Variants in GLI3 observed in about 807,000 individuals in gnomAD.
The protein encoded by GLI3 is GLI family zinc finger 3.
GLI3 carries 20 observed loss-of-function variants against 100.8 expected under a neutral mutation model. The ratio of observed to expected loss-of-function variants is 0.20; its 90% CI spans 0.14 to 0.29. The LOEUF is 0.29. Ranked by LOEUF, GLI3 falls within the 10% of genes least tolerant of loss-of-function variation. The pLI, the probability that GLI3 is intolerant of heterozygous loss-of-function variation, is 1.00. For synonymous variants in GLI3, 938 were observed against 860.5 expected, an observed-to-expected ratio of 1.09 and a Z score of -1.58; for missense variants, 2,040 against 2,128.5, an observed-to-expected ratio of 0.96 and a Z score of 0.82.
rs535040578 is a variant in GLI3 at position 42,118,523 on chromosome 7, G to A, written c.367+29703C>T. 2.1e-3 allele frequency among the ~76,000 whole-genome samples: 327 copies of A among 152,262 alleles called. 6 individuals carry two copies. Among genetic ancestry groups the A allele is most frequent in the Non-Finnish European group, 3.1e-4 (21 of 68,018 alleles). ...TTTCTTAGATTGGTTTTTGATTCAC[G>A]TGGGGAATCTCAGAGTTTCTGTGGG... is the stretch of plus-strand genomic sequence containing the variant. On this transcript the variant is annotated intron_variant, in intron 3 of 14. Coordinates refer to ENST00000395925, the MANE Select transcript of GLI3 (RefSeq NM_000168.6).
At chr7:42,263,645 A>G (rs891876878) in intron 1 of GLI3, among the ~76,000 whole-genome samples, 1 of 151,944 alleles carries the variant, frequency 6.6e-6, no homozygotes, top group African/African-American at 2.4e-5. Context: ...ATGGGGTTTC[A>G]CCATGTTGGC....
chr7:42,052,509 A>G (rs553745545), intron 4 of GLI3, among the ~76,000 whole-genome samples: 4 of 152,326 alleles, frequency 2.6e-5, no homozygotes, highest in South Asian at 4.1e-4. Flanking sequence ...CCCTCACTCA[A>G]GCATCAGTTT....
chr7:42,200,607 T>C (rs1452951828), intron 2 of GLI3, among the ~76,000 whole-genome samples: 1 of 152,128 alleles, frequency 6.6e-6, no homozygotes, highest in African/African-American at 2.4e-5. Flanking sequence ...ATAAATTATA[T>C]CATTTTAAAA....
Position 42,182,656 on chromosome 7 carries a change from A to T in GLI3, c.125-34188T>A, listed in dbSNP as rs1180728475. Among the ~76,000 whole-genome samples the T allele has an allele frequency of 1.1e-4, 6 of 53,676 alleles. 1 individual carries two copies. Among genetic ancestry groups the T allele is most frequent in the Non-Finnish European group, 2.1e-4 (6 of 28,320 alleles). 35.2% of individuals were successfully genotyped at this position (53,676 alleles called of 152,430 possible). A position where few individuals can be genotyped will look rare whatever the true frequency, so the allele number is the denominator to read the frequency against. ...TGTATATGTGTGTGTATATATATATATATATATATATATATATATATATAT... is the reference window on the plus strand; with the variant it reads ...TGTATATGTGTGTGTATATATATATTTATATATATATATATATATATATAT... On this transcript the variant is annotated intron_variant, in intron 2 of 14. Transcript: ENST00000395925.
At chr7:42,153,241 T>C (rs1262695953) in intron 2 of GLI3, among the ~76,000 whole-genome samples, 1 of 152,144 alleles carries the variant, frequency 6.6e-6, no homozygotes, top group Non-Finnish European at 1.5e-5. Flanking sequence ...AAGAAGGTAA[T>C]TGTGCTCGCA....
chr7:42,131,186 T>C (rs1454793666), intron 3 of GLI3, among the ~76,000 whole-genome samples: 1 of 152,122 alleles, frequency 6.6e-6, no homozygotes, highest in East Asian at 1.9e-4. Context: ...GAAACAGTGG[T>C]TCCAATCCAG....
At chr7:42,124,641 G>C (rs977896472) in intron 3 of GLI3, among the ~76,000 whole-genome samples, 1 of 152,136 alleles carries the variant, frequency 6.6e-6, no homozygotes, top group Non-Finnish European at 1.5e-5. Context: ...TTCAAATGCT[G>C]GTCTCAAAGT....
intron 4 of GLI3, among the ~76,000 whole-genome samples, chr7:42,073,414 A>G (rs1784820747): frequency 1.3e-5 from 2 of 152,228 alleles, no homozygotes; most frequent in Admixed American, 1.3e-4. Context: ...AACACCTAAT[A>G]AGCCATGGTT....
At chr7:42,069,909 T>TTCTG (rs1784752779) in intron 4 of GLI3, among the ~76,000 whole-genome samples, 1 of 152,230 alleles carries the variant, frequency 6.6e-6, no homozygotes, top group African/African-American at 2.4e-5. Flanking sequence ...TAAGTAGTTG[T>TTCTG]TCACAGAAGA....
intron 10 of GLI3, among the ~76,000 whole-genome samples, chr7:42,011,151 G>A (rs1788601918): frequency 6.6e-6 from 1 of 152,208 alleles, no homozygotes; most frequent in African/African-American, 2.4e-5. Flanking sequence ...GTAGATGTAT[G>A]GAGTTATTTG....
At chr7:41,968,771 A>AGAAAGAAAGAAG (rs1787290222) in intron 13 of GLI3, among the ~76,000 whole-genome samples, 1 of 137,010 alleles carries the variant, frequency 7.3e-6, no homozygotes, top group African/African-American at 2.7e-5. Context: ...AAGGAAAGAA[A>AGAAAGAAAGAAG]GAAAGAAAGA....
At chr7:42,168,241 C>T (rs902650324) in intron 2 of GLI3, among the ~76,000 whole-genome samples, 2 of 152,150 alleles carry the variant, frequency 1.3e-5, no homozygotes, top group Non-Finnish European at 2.9e-5. Context: ...CTAAAAGTAA[C>T]GTCAAGGAAA....
intron 7 of GLI3, among the ~76,000 whole-genome samples, chr7:42,032,330 C>T (rs978160216): frequency 6.6e-6 from 1 of 152,060 alleles, no homozygotes; most frequent in South Asian, 2.1e-4. Context: ...TTGGCTTTCA[C>T]AATAAATATT....
At chr7:42,034,039 G>A (rs528571293) in intron 7 of GLI3, among the ~76,000 whole-genome samples, 1 of 152,274 alleles carries the variant, frequency 6.6e-6, no homozygotes, top group East Asian at 1.9e-4. Context: ...TTGCCATTAA[G>A]CAGCCAAATA....
At chr7:42,133,191 A>G (rs1033982862) in intron 3 of GLI3, among the ~76,000 whole-genome samples, 1 of 152,220 alleles carries the variant, frequency 6.6e-6, no homozygotes, top group African/African-American at 2.4e-5. Context: ...AAGTGAAAAG[A>G]AAACAAACTT....
intron 3 of GLI3, among the ~76,000 whole-genome samples, chr7:42,082,021 G>C (rs956955207): frequency 8.6e-5 from 13 of 152,014 alleles, no homozygotes; most frequent in African/African-American, 2.9e-4. Flanking sequence ...CAGCCTGTAG[G>C]AATGGCCAGT....
chr7:42,044,703 T>A (rs1784210582), intron 6 of GLI3, among the ~76,000 whole-genome samples: 1 of 152,200 alleles, frequency 6.6e-6, no homozygotes, highest in African/African-American at 2.4e-5. Flanking sequence ...TTTTTTAATG[T>A]AAAGAAAACA....
chr7:42,048,875 A>T (rs1784299131), intron 4 of GLI3, among the ~76,000 whole-genome samples, 179 bp from the exon 5 acceptor site: 1 of 152,080 alleles, frequency 6.6e-6, no homozygotes, highest in South Asian at 2.1e-4. Context: ...GATATAATGC[A>T]GGCAGAGCAT....
At chr7:42,207,211 TA>T (rs1788173992) in intron 2 of GLI3, among the ~76,000 whole-genome samples, 1 of 152,176 alleles carries the variant, frequency 6.6e-6, no homozygotes, top group Non-Finnish European at 1.5e-5. Context: ...AAAAGACAGC[TA>T]CCTGGCAGCC....
Sources: allele counts gnomAD v4.1 joint callset (sites outside exome capture counted in the v4.1 genomes callset), GRCh38; gene constraint gnomAD v4.1.1; transcripts MANE v1.5; gene names NCBI Gene and HGNC (gene_info 2026-07-23, HGNC 2026-07-21).